FBXW7: variants seen among roughly 807,000 people sequenced by gnomAD.
FBXW7 encodes the protein F-box and WD repeat domain containing 7.
In FBXW7, 11 loss-of-function variants were observed where a neutral mutation model predicts 86.3. The ratio of observed to expected loss-of-function variants is 0.13; its 90% CI spans 0.08 to 0.21. The LOEUF (loss-of-function observed/expected upper bound fraction) is 0.21, where lower values mean the gene tolerates loss of function less well. Ranked by LOEUF, FBXW7 falls within the 10% of genes least tolerant of loss-of-function variation. The pLI is 1.00. For synonymous variants in FBXW7, 313 were observed against 297.9 expected (o/e 1.05, Z -0.52); for missense variants, 488 against 847.4 (o/e 0.58, Z 5.27).
At chr4:152,450,199 A>G (rs2127013949) in intron 2 of FBXW7, among the ~76,000 whole-genome samples, 1 of 152,286 alleles carries the variant, frequency 6.6e-6, no homozygotes, top group Admixed American at 6.5e-5. Flanking sequence ...TTCACATTCA[A>G]TTTTTTAAAA....
intron 13 of FBXW7, 103 bp downstream of exon 13, chr4:152,324,081 A>G (rs1451695999): frequency 1.2e-6 from 1 of 838,294 alleles, no homozygotes; most frequent in African/African-American, 1.7e-5. Flanking sequence ...TGAAGTAACC[A>G]TTCTGTATGA....
intron 4 of FBXW7, among the ~76,000 whole-genome samples, chr4:152,406,016 G>GA (rs1342551986): frequency 6.6e-6 from 1 of 152,220 alleles, no homozygotes; most frequent in Non-Finnish European, 1.5e-5. Flanking sequence ...CTACCAAAGT[G>GA]AAAACAATAT....
chr4:152,440,090 T>C (rs935159419), intron 2 of FBXW7, among the ~76,000 whole-genome samples: 19 of 152,234 alleles, frequency 1.2e-4, no homozygotes, highest in African/African-American at 4.3e-4. Context: ...TCAAAATGAG[T>C]CAAAATTAGG....
chr4:152,525,018 CAAAT>C (rs1302812756), intron 2 of FBXW7, among the ~76,000 whole-genome samples: 1 of 152,116 alleles, frequency 6.6e-6, no homozygotes, highest in Admixed American at 6.6e-5. Flanking sequence ...AGGAAGAAAT[CAAAT>C]AAACTAGAGA....
At position 152,322,780 on chromosome 4, in the gene FBXW7, C is replaced by A; in HGVS notation, c.*101G>T. On this transcript the variant is annotated 3_prime_UTR_variant, in exon 14 of 14. Coordinates refer to ENST00000281708, the MANE Select transcript of FBXW7 (RefSeq NM_001349798.2). ...AGCCAACATCCTGCACCACTGAGAACAAGGGATTTTTTTCTTTTTCTTTTC... is the reference window on the plus strand; with the variant it reads ...AGCCAACATCCTGCACCACTGAGAAAAAGGGATTTTTTTCTTTTTCTTTTC... The A allele has an allele frequency of 6.5e-7, 1 of 1,534,994 alleles. No homozygotes were observed. Among genetic ancestry groups the A allele is most frequent in the South Asian group, 1.3e-5 (1 of 75,084 alleles).
intron 2 of FBXW7, among the ~76,000 whole-genome samples, chr4:152,515,906 T>C (rs1748441723): frequency 6.6e-6 from 1 of 152,194 alleles, no homozygotes; most frequent in African/African-American, 2.4e-5. Flanking sequence ...CACAACATAA[T>C]AACTTGGCCA....
chr4:152,400,826 G>A (rs931994470), intron 4 of FBXW7, among the ~76,000 whole-genome samples: 2 of 152,128 alleles, frequency 1.3e-5, no homozygotes, highest in African/African-American at 4.8e-5. Flanking sequence ...TGGGATAAAC[G>A]ATTGTTATCC....
At chr4:152,475,297 C>T (rs1408800402) in intron 2 of FBXW7, among the ~76,000 whole-genome samples, 2 of 151,516 alleles carry the variant, frequency 1.3e-5, no homozygotes, top group African/African-American at 4.9e-5. Flanking sequence ...CATGATGGCA[C>T]ATGCCTGTAA....
chr4:152,410,296 C>T (rs2126872325), intron 4 of FBXW7, among the ~76,000 whole-genome samples: 1 of 152,102 alleles, frequency 6.6e-6, no homozygotes, highest in South Asian at 2.1e-4. Flanking sequence ...ACTAGGGGGG[C>T]AAAAGGGAGG....
chr4:152,493,267 C>T (rs1441523146), intron 2 of FBXW7, among the ~76,000 whole-genome samples: 1 of 151,912 alleles, frequency 6.6e-6, no homozygotes, highest in East Asian at 1.9e-4. Context: ...CAGGTTCAAG[C>T]GATTCTCGTG....
At chr4:152,459,671 G>C (rs1414453740) in intron 2 of FBXW7, among the ~76,000 whole-genome samples, 1 of 152,052 alleles carries the variant, frequency 6.6e-6, no homozygotes, top group Non-Finnish European at 1.5e-5. Context: ...ACCACAGATA[G>C]AACCAAACTC....
chr4:152,371,707 G>T (rs1486137723), intron 4 of FBXW7, among the ~76,000 whole-genome samples: 2 of 151,982 alleles, frequency 1.3e-5, no homozygotes, highest in Non-Finnish European at 2.9e-5. Flanking sequence ...GGACTTCTCA[G>T]GACCGCTAAA....
intron 6 of FBXW7, among the ~76,000 whole-genome samples, chr4:152,340,310 G>C (rs1408967888): frequency 6.6e-6 from 1 of 152,090 alleles, no homozygotes; most frequent in African/African-American, 2.4e-5. Context: ...CGGTGCAGTG[G>C]CTCATGCCTG....
Position 152,325,942 on chromosome 4 carries a change from A to T in FBXW7, c.1644+64T>A, listed in dbSNP as rs117291353. On this transcript the variant is annotated intron_variant, in intron 12 of 13. Coordinates refer to ENST00000281708, the MANE Select transcript of FBXW7 (RefSeq NM_001349798.2). ...CTGGATCAGCAATTTGACAGTGATT[A>T]TCTGAGTAAAACAACCTTATGATTC... The T allele has an allele frequency of 1.1e-4, 149 of 1,356,268 alleles. 1 individual carries two copies. The East Asian group carries it at 3.3e-3, about 30-fold the overall frequency. 84.0% of individuals were successfully genotyped at this position (1,356,268 alleles called of 1,614,324 possible).
chr4:152,362,269 A>C (rs1272349436), intron 4 of FBXW7, among the ~76,000 whole-genome samples: 4 of 152,162 alleles, frequency 2.6e-5, no homozygotes, highest in African/African-American at 4.8e-5. Context: ...ATTTCTTAAA[A>C]TCTAAGTTTA....
chr4:152,412,114 G>C (rs1200670844), intron 3 of FBXW7, among the ~76,000 whole-genome samples: 1 of 151,946 alleles, frequency 6.6e-6, no homozygotes, highest in Non-Finnish European at 1.5e-5. Context: ...ATAATTTTTA[G>C]CATGAAGATT....
chr4:152,507,696 AT>A (rs1418522592), intron 2 of FBXW7, among the ~76,000 whole-genome samples: 1 of 152,132 alleles, frequency 6.6e-6, no homozygotes, highest in Non-Finnish European at 1.5e-5. Context: ...GAAATGGCTG[AT>A]TTCATGGCTG....
chr4:152,411,203 G>C (rs1737919039), intron 4 of FBXW7, 100 bp downstream of exon 4: 1 of 1,374,190 alleles, frequency 7.3e-7, no homozygotes, highest in Non-Finnish European at 9.6e-7. Context: ...CACATCTTAA[G>C]ATTAATTTTT....
intron 4 of FBXW7, among the ~76,000 whole-genome samples, chr4:152,403,815 T>A (rs1363878022): frequency 6.6e-6 from 1 of 152,170 alleles, no homozygotes; most frequent in Non-Finnish European, 1.5e-5. Context: ...CACAGACTGG[T>A]CCATGGCCTG....
Sources: gnomAD v4.1 joint callset for allele counts (sites outside exome capture counted in the v4.1 genomes callset) on GRCh38, gnomAD v4.1.1 for gene constraint, MANE v1.5 for transcripts, NCBI Gene and HGNC (gene_info 2026-07-23, HGNC 2026-07-21) for gene names.